The following DNAH5 variants were observed in gnomAD, a reference collection of about 807,000 sequenced individuals.
DNAH5 encodes dynein axonemal heavy chain 5.
DNAH5 carries 372 observed loss-of-function variants against 518.2 expected under a neutral mutation model. That is an observed-to-expected ratio of 0.72 (90% CI 0.66 to 0.78). The LOEUF (loss-of-function observed/expected upper bound fraction) is 0.78, where lower values mean the gene tolerates loss of function less well. Ranked by LOEUF, DNAH5 falls within the 30% of genes least tolerant of loss-of-function variation. The probability of loss-of-function intolerance (pLI) is 0.00; values close to 1 mark genes in which losing one functional copy is unlikely to be tolerated. For missense variants in DNAH5, 5,523 were observed against 5,687.0 expected, an observed-to-expected ratio of 0.97 and a Z score of 0.93; for synonymous variants, 2,039 against 2,025.9, an observed-to-expected ratio of 1.01 and a Z score of -0.17.
At chr5:13,983,934 T>C (rs995982593) in intron 1 of DNAH5, among the ~76,000 whole-genome samples, 8 of 152,178 alleles carry the variant, frequency 5.3e-5, no homozygotes, top group African/African-American at 1.9e-4. Flanking sequence ...AAGACCTCCA[T>C]GACTTAATCC....
intron 72 of DNAH5, among the ~76,000 whole-genome samples, chr5:13,717,731 G>A (rs1184594054): frequency 1.3e-5 from 2 of 152,070 alleles, no homozygotes; most frequent in Non-Finnish European, 2.9e-5. Flanking sequence ...CTTTGGGGAG[G>A]GGAGGAGCTT....
intron 24 of DNAH5, among the ~76,000 whole-genome samples, chr5:13,869,293 G>A (rs1282099010): frequency 6.7e-6 from 1 of 150,160 alleles, no homozygotes; most frequent in African/African-American, 2.5e-5. Context: ...CAGTTATAGT[G>A]TGATGAAAAG....
intron 50 of DNAH5, among the ~76,000 whole-genome samples, chr5:13,790,549 T>C (rs773582641): frequency 9.2e-5 from 14 of 152,186 alleles, no homozygotes; most frequent in African/African-American, 1.2e-4. Flanking sequence ...AAGGAGGTAA[T>C]TGAATCATAG....
chr5:13,944,486 TCTAACTCCTG>T lies in DNAH5; in HGVS notation c.-58_-49del, dbSNP rs1391141429. 2 of 1,557,468 alleles carry T rather than the reference TCTAACTCCTG, an allele frequency of 1.3e-6. No individual in the cohort carries two copies. Among genetic ancestry groups the T allele is most frequent in the Non-Finnish European group, 1.8e-6 (2 of 1,133,228 alleles). The stretch of plus-strand genomic sequence containing the variant: ...GGAGTCAGCTCTTCCGGAATGGTCT[TCTAACTCCTG>T]GCAGACCTGCTCAACATCCAACAGG... On this transcript the variant is annotated 5_prime_UTR_variant, in exon 1 of 79. The change abolishes the stop of an existing upstream ORF in the 5' untranslated region. Transcript: ENST00000265104.
chr5:13,976,619 A>G (rs10036753), intron 1 of DNAH5, among the ~76,000 whole-genome samples: 48,108 of 151,292 alleles, frequency 0.32, 8,073 homozygotes, highest in East Asian at 0.6. Context: ...TTAATCTCTT[A>G]TTGTATCTAA....
chr5:13,798,669 ACT>A (rs144006130), intron 47 of DNAH5, among the ~76,000 whole-genome samples: 25,780 of 151,348 alleles, frequency 0.17, 2,262 homozygotes, highest in Admixed American at 0.21. Flanking sequence ...AAAAAGCAAA[ACT>A]CTATACAACT....
intron 61 of DNAH5, among the ~76,000 whole-genome samples, chr5:13,758,233 T>C (rs1346805216): frequency 1.3e-5 from 2 of 152,172 alleles, no homozygotes; most frequent in Non-Finnish European, 2.9e-5. Flanking sequence ...CTAGGGTGCC[T>C]TGGCTCACAC....
At chr5:13,829,737 T>C (rs745456327) in intron 37 of DNAH5, 33 bp from the exon 38 acceptor site, 9 of 1,585,670 alleles carry the variant, frequency 5.7e-6, no homozygotes, top group Non-Finnish European at 7.8e-6. Context: ...GGATGAATGA[T>C]GCAATCAAGC....
At chr5:13,933,058 C>A (rs1245143484) in intron 1 of DNAH5, among the ~76,000 whole-genome samples, 2 of 152,228 alleles carry the variant, frequency 1.3e-5, no homozygotes, top group Non-Finnish European at 2.9e-5. Flanking sequence ...GCCTCCACCA[C>A]CAACTCCTGA....
intron 72 of DNAH5, among the ~76,000 whole-genome samples, chr5:13,717,847 T>A (rs1297206794): frequency 6.6e-6 from 1 of 152,106 alleles, no homozygotes; most frequent in Non-Finnish European, 1.5e-5. Context: ...TTACTATAAC[T>A]ACTACTCTAT....
In DNAH5 at chr5:13,928,936, G is replaced by A. The variant is rs79716918; in HGVS notation, c.193-758C>T. ...AGCCGTTGTGGAAAACAGTATGAAG[G>A]CTCCTTAAAAAACTAAAAATAGAAT... On this transcript the variant is annotated intron_variant, in intron 2 of 78. Transcript: ENST00000265104. Among the ~76,000 whole-genome samples, 863 of 152,218 alleles carry A rather than the reference G, an allele frequency of 5.7e-3. 55 individuals are homozygous for A. In the East Asian group the frequency reaches 0.13, roughly 23 times the overall value.
At position 13,882,949 on chromosome 5, in the gene DNAH5, A is replaced by G. The variant is rs2151938486; in HGVS notation, c.3129T>C (p.Ser1043=). 1 of 1,614,168 alleles carries G rather than the reference A, an allele frequency of 6.2e-7. No individual in the cohort carries two copies. Among genetic ancestry groups the G allele is most frequent in the Non-Finnish European group, 8.5e-7 (1 of 1,180,022 alleles). ...TCCACTGTCTGACCCCCTTAGGGAC[A>G]CTGATGATGCACTCCACGGCTTTGT... ...TLNKAVECII[S]VPKGVRQWSS... Residue 1043 remains serine, a synonymous_variant, in exon 20 of 79, where the codon AGT becomes AGC. Coordinates refer to ENST00000265104, the MANE Select transcript of DNAH5 (RefSeq NM_001369.3).
chr5:13,870,269 G>A (rs1769899279), intron 24 of DNAH5, among the ~76,000 whole-genome samples: 1 of 152,116 alleles, frequency 6.6e-6, no homozygotes, highest in African/African-American at 2.4e-5. Context: ...ACTACTGAGA[G>A]TGCTGGCTAT....
chr5:13,818,841 C>T (rs1383184383), intron 41 of DNAH5, among the ~76,000 whole-genome samples: 6 of 152,204 alleles, frequency 3.9e-5, no homozygotes, highest in African/African-American at 1.2e-4. Context: ...CCCTCCACGT[C>T]GTCAGCAGAA....
At chr5:13,840,685 A>G (rs1765034575) in intron 34 of DNAH5, among the ~76,000 whole-genome samples, 1 of 152,236 alleles carries the variant, frequency 6.6e-6, no homozygotes, top group South Asian at 2.1e-4. Context: ...TTTTGAATAA[A>G]GTCTAATTGC....
At chr5:13,972,908 C>A (rs1781980029) in intron 1 of DNAH5, among the ~76,000 whole-genome samples, 1 of 152,086 alleles carries the variant, frequency 6.6e-6, no homozygotes, top group Non-Finnish European at 1.5e-5. Context: ...CAAAAAATGC[C>A]CGTGTTCCTG....
chr5:13,937,105 C>A (rs1454821414), intron 1 of DNAH5, among the ~76,000 whole-genome samples: 1 of 151,968 alleles, frequency 6.6e-6, no homozygotes, highest in Admixed American at 6.6e-5. Flanking sequence ...TTCCCAAAAG[C>A]ACACAACTAA....
intron 23 of DNAH5, 67 bp from the exon 24 acceptor site, chr5:13,871,069 C>T (rs935445616): frequency 1.1e-5 from 13 of 1,197,608 alleles, no homozygotes; most frequent in South Asian, 4.0e-5. Flanking sequence ...GTCAAACTGT[C>T]GCTGTTCTCC....
At position 13,839,408 on chromosome 5, in the gene DNAH5, T is replaced by G. The variant is rs906638785; in HGVS notation, c.5830A>C (p.Asn1944His). Residue 1944 changes from asparagine (N) to histidine (H), a missense_variant, in exon 35 of 79, where the codon AAT (asparagine) becomes CAT (histidine). Asn to His is a moderately conservative substitution (Grantham distance 68, BLOSUM62 1). Around this residue, in one of 3 missense-constraint regions of DNAH5, gnomAD observed 5,121 missense variants for 5,223.3 expected, o/e 0.98. Coordinates refer to ENST00000265104, the MANE Select transcript of DNAH5 (RefSeq NM_001369.3). ...HITDVAFIYQ[N>H]EFLGCTDRLV... ...CTGTCAGTGCAGCCTAAAAATTCATTCTGGTATATGAACGCCACATCTGTG... is the reference window on the plus strand; with the variant it reads ...CTGTCAGTGCAGCCTAAAAATTCATGCTGGTATATGAACGCCACATCTGTG... The G allele has an allele frequency of 8.1e-6, 13 of 1,613,980 alleles. No individual in the cohort carries two copies. Among genetic ancestry groups the G allele is most frequent in the Non-Finnish European group, 1.1e-5 (13 of 1,179,972 alleles).
Sources: allele counts gnomAD v4.1 joint callset (sites outside exome capture counted in the v4.1 genomes callset), GRCh38; gene constraint gnomAD v4.1.1; regional missense constraint gnomAD v4.1.1; transcripts MANE v1.5; gene names NCBI Gene and HGNC (gene_info 2026-07-23, HGNC 2026-07-21).